Variants in CADPS observed in about 807,000 individuals in gnomAD.
CADPS encodes the protein calcium-dependent secretion activator 1.
CADPS carries 57 observed loss-of-function variants against 167.3 expected under a neutral mutation model. The ratio of observed to expected loss-of-function variants is 0.34; its 90% CI spans 0.28 to 0.42. CADPS has a LOEUF of 0.42. Among genes scored for constraint, CADPS ranks in the 20% least tolerant of loss-of-function variants. The pLI, the probability that CADPS is intolerant of heterozygous loss-of-function variation, is 1.00. For synonymous variants in CADPS, 676 were observed against 635.3 expected (o/e 1.06, Z -0.96); for missense variants, 1,414 against 1,738.1 (o/e 0.81, Z 3.32).
At chr3:62,853,406 C>G (rs1207183034) in intron 1 of CADPS, among the ~76,000 whole-genome samples, 1 of 151,736 alleles carries the variant, frequency 6.6e-6, no homozygotes, top group East Asian at 2.0e-4. Flanking sequence ...GGATGGGTCA[C>G]CTGAGGTCAA....
intron 3 of CADPS, among the ~76,000 whole-genome samples, chr3:62,670,210 T>C (rs1169911475): frequency 6.6e-6 from 1 of 152,198 alleles, no homozygotes; most frequent in Non-Finnish European, 1.5e-5. Flanking sequence ...TTCAACACAT[T>C]GTAGGTGTAT....
At chr3:62,701,582 C>T (rs1047591038) in intron 3 of CADPS, among the ~76,000 whole-genome samples, 2 of 140,438 alleles carry the variant, frequency 1.4e-5, no homozygotes, top group African/African-American at 5.3e-5. Context: ...GCACTCCAGC[C>T]TGGTGACAGA....
chr3:62,722,857 T>G (rs2152005033), intron 3 of CADPS, among the ~76,000 whole-genome samples: 1 of 152,278 alleles, frequency 6.6e-6, no homozygotes, highest in African/African-American at 2.4e-5. Flanking sequence ...GGTCCTGTGC[T>G]CTGTGAGACA....
chr3:62,554,982 AC>A lies in CADPS; in HGVS notation c.1753+2422del, dbSNP rs1426580388. Among the ~76,000 whole-genome samples, 11 of 152,212 alleles carry A rather than the reference AC, an allele frequency of 7.2e-5. No homozygotes were observed. The East Asian group carries it at 2.1e-3, about 30-fold the overall frequency. The stretch of plus-strand genomic sequence containing the variant: ...TGGCCAGGCTGGTCTCGAACCCCTG[AC>A]CTCAAGTGATCTGCCCACCTCAGCC... On this transcript the variant is annotated intron_variant, in intron 10 of 29. Transcript: ENST00000383710.
chr3:62,843,492 G>GGTGTGTGTGTGTGTGTGTGTGT (rs150223612), intron 1 of CADPS, among the ~76,000 whole-genome samples: 1,498 of 149,078 alleles, frequency 0.01, 10 homozygotes, highest in South Asian at 0.02. Flanking sequence ...TGGCAGTTGG[G>GGTGTGTGTGTGTGTGTGTGTGT]GTGTGTGTGT....
intron 18 of CADPS, among the ~76,000 whole-genome samples, chr3:62,498,350 C>T (rs1179293591): frequency 6.6e-6 from 1 of 151,956 alleles, no homozygotes; most frequent in East Asian, 1.9e-4. Flanking sequence ...GTCATTTTTC[C>T]CCTTTGCTGT....
At chr3:62,428,099 C>G (rs1358536170) in intron 28 of CADPS, among the ~76,000 whole-genome samples, 3 of 152,114 alleles carry the variant, frequency 2.0e-5, no homozygotes, top group African/African-American at 7.2e-5. Flanking sequence ...CAGGAATATT[C>G]ACACTGGAGG....
At chr3:62,751,686 G>T (rs1402295489) in intron 3 of CADPS, among the ~76,000 whole-genome samples, 1 of 152,130 alleles carries the variant, frequency 6.6e-6, no homozygotes, top group African/African-American at 2.4e-5. Context: ...CTCCCAAAGT[G>T]CTGAGATTAC....
At chr3:62,806,753 T>C (rs191970981) in intron 1 of CADPS, among the ~76,000 whole-genome samples, 1 of 152,180 alleles carries the variant, frequency 6.6e-6, no homozygotes, top group African/African-American at 2.4e-5. Flanking sequence ...TGCAAACCAA[T>C]GTGATTTTTT....
chr3:62,725,117 C>T (rs2076498273), intron 3 of CADPS, among the ~76,000 whole-genome samples: 2 of 152,186 alleles, frequency 1.3e-5, no homozygotes, highest in Non-Finnish European at 2.9e-5. Context: ...CCAATCTTCT[C>T]CTCAAAACCC....
At chr3:62,814,369 A>T (rs1475804154) in intron 1 of CADPS, 1 of 152,206 alleles carries the variant, frequency 6.6e-6, no homozygotes, top group Non-Finnish European at 1.5e-5. Flanking sequence ...ATTTAAAAAC[A>T]TAATCAGTAC....
chr3:62,474,249 A>G lies in CADPS; in HGVS notation c.3401T>C (p.Ile1134Thr), dbSNP rs1416638600. 1 of 1,605,482 alleles carries G rather than the reference A, an allele frequency of 6.2e-7. No homozygotes were observed. The highest frequency in any genetic ancestry group is 1.7e-5 in the Admixed American group (1 of 57,894). Reference protein sequence around the residue: ...RSTDFRVPQSICTMFNVMVDA... With the variant: ...RSTDFRVPQSTCTMFNVMVDA... ...AACCATAACATTAAACATGGTGCAT[A>G]TTGACTGTGGGACTCGAAAATCTGT... The change falls in exon 24 of 30, where the codon ATA becomes ACA. Residue 1134 changes from isoleucine to threonine, a missense_variant. Transcript: ENST00000383710.
intron 6 of CADPS, among the ~76,000 whole-genome samples, chr3:62,612,353 C>T (rs558923889): frequency 1.3e-5 from 2 of 152,294 alleles, no homozygotes; most frequent in African/African-American, 4.8e-5. Flanking sequence ...CTAATAACTG[C>T]CACAGTGATA....
chr3:62,406,337 G>C (rs545257414), intron 28 of CADPS, among the ~76,000 whole-genome samples: 1 of 152,124 alleles, frequency 6.6e-6, no homozygotes, highest in Non-Finnish European at 1.5e-5. Flanking sequence ...TCTTCCTCAC[G>C]GGGCTCACAG....
intron 2 of CADPS, among the ~76,000 whole-genome samples, chr3:62,764,383 TAATG>T (rs1433184829): frequency 6.6e-6 from 1 of 152,186 alleles, no homozygotes; most frequent in Non-Finnish European, 1.5e-5. Flanking sequence ...TCATTGGCGA[TAATG>T]AATGATACTT....
At chr3:62,454,484 G>T (rs1393868760) in intron 26 of CADPS, among the ~76,000 whole-genome samples, 1 of 152,054 alleles carries the variant, frequency 6.6e-6, no homozygotes, top group Admixed American at 6.5e-5. Context: ...CCTAATGGGT[G>T]GGCCTGACTT....
chr3:62,614,960 G>A (rs1562924497), intron 6 of CADPS, among the ~76,000 whole-genome samples: 1 of 152,162 alleles, frequency 6.6e-6, no homozygotes, highest in Non-Finnish European at 1.5e-5. Flanking sequence ...TGTTCTTTAA[G>A]AGCTCAGCAA....
At chr3:62,829,661 A>G (rs1245358146) in intron 1 of CADPS, among the ~76,000 whole-genome samples, 4 of 152,118 alleles carry the variant, frequency 2.6e-5, no homozygotes, top group Non-Finnish European at 4.4e-5. Flanking sequence ...ATGATCTACC[A>G]TTTACTAGAC....
At chr3:62,551,474 C>A (rs912216354) in intron 10 of CADPS, among the ~76,000 whole-genome samples, 5 of 152,122 alleles carry the variant, frequency 3.3e-5, no homozygotes, top group Admixed American at 3.3e-4. Flanking sequence ...CTGCCTCCAT[C>A]CTCATTCTCT....
Sources: allele counts gnomAD v4.1 joint callset (sites outside exome capture counted in the v4.1 genomes callset), GRCh38; gene constraint gnomAD v4.1.1; transcripts MANE v1.5; gene names NCBI Gene and HGNC (gene_info 2026-07-23, HGNC 2026-07-21).